Variants in NEK1 observed in about 807,000 individuals in gnomAD.
NEK1 encodes serine/threonine-protein kinase Nek1.
NEK1 carries 137 observed loss-of-function variants against 182.1 expected under a neutral mutation model. The observed-to-expected ratio is 0.75, with a 90% confidence interval of 0.65 to 0.87. The LOEUF is 0.87. Among genes scored for constraint, NEK1 ranks in the 40% least tolerant of loss-of-function variants. The pLI is 0.00. For missense variants in NEK1, 1,391 were observed against 1,494.4 expected, an observed-to-expected ratio of 0.93 and a Z score of 1.14; for synonymous variants, 513 against 492.2, an observed-to-expected ratio of 1.04 and a Z score of -0.56.
At chr4:169,590,853 A>G (rs371612230) in intron 5 of NEK1, 44 bp from the exon 6 acceptor site, 39 of 1,271,040 alleles carry the variant, frequency 3.1e-5, no homozygotes, top group Middle Eastern at 1.8e-4. Flanking sequence ...TTTGACCATT[A>G]AAAGAATTCA....
chr4:169,598,484 T>C (rs1468089852), intron 5 of NEK1, among the ~76,000 whole-genome samples: 1 of 151,652 alleles, frequency 6.6e-6, no homozygotes, highest in African/African-American at 2.4e-5. Context: ...TAACAAAGTT[T>C]GGGGAAAAGG....
At chr4:169,461,958 C>T (rs138543519) in intron 27 of NEK1, among the ~76,000 whole-genome samples, 101 of 152,054 alleles carry the variant, frequency 6.6e-4, no homozygotes, top group African/African-American at 2.4e-3. Context: ...TTTCTCAGTT[C>T]CAATTCTGTG....
intron 33 of NEK1, 53 bp downstream of exon 33, chr4:169,401,599 T>C: frequency 1.3e-6 from 2 of 1,518,388 alleles, no homozygotes; most frequent in Middle Eastern, 3.4e-4. Context: ...TACACTCTAC[T>C]TGAAATATTT....
chr4:169,437,617 C>A (rs1738662403), intron 28 of NEK1, among the ~76,000 whole-genome samples: 1 of 152,102 alleles, frequency 6.6e-6, no homozygotes, highest in Admixed American at 6.6e-5. Context: ...ATCTGTGAGC[C>A]CCGGGCCATC....
chr4:169,576,783 G>T (rs1322638119), intron 12 of NEK1, 145 bp downstream of exon 12: 1 of 718,872 alleles, frequency 1.4e-6, no homozygotes, highest in African/African-American at 1.8e-5. Context: ...CTCAGTTTTA[G>T]AGGACTGGTA....
Position 169,400,642 on chromosome 4 carries a change from T to A in NEK1, c.3593A>T (p.Asp1198Val), listed in dbSNP as rs1446429251. Residue 1198 changes from aspartate to valine, a missense_variant, in exon 34 of 36, where the codon GAT becomes GTT. Asp to Val is a radical substitution (Grantham distance 152, BLOSUM62 -3). This residue lies in a region of NEK1 where 1,216 missense variants were observed against 1,277.6 expected (regional missense o/e 0.95). Transcript: ENST00000507142. ...TTCACATTCACTAGCAATTTCACCATCACTGTTATCTAAAAAACAAAATTA... is the reference window on the plus strand; with the variant it reads ...TTCACATTCACTAGCAATTTCACCAACACTGTTATCTAAAAAACAAAATTA... The part of the protein sequence containing the change: ...LNEEWHSDNS[D>V]GEIASECECD... The A allele has an allele frequency of 1.3e-6, 2 of 1,584,768 alleles. No individual in the cohort carries two copies. The highest frequency in any genetic ancestry group is 2.3e-5 in the South Asian group (2 of 86,176).
chr4:169,602,393 T>C lies in NEK1; in HGVS notation c.117+121A>G, dbSNP rs1412011999. 7.7e-6 allele frequency: 5 copies of C among 652,232 alleles called. No homozygotes were observed. In the Admixed American group the frequency reaches 1.3e-4, roughly 16 times the overall value. The allele number at this position is 652,232 out of a possible 1,614,324, so 40.4% of individuals were successfully genotyped here. A position where few individuals can be genotyped will look rare whatever the true frequency, so the allele number is the denominator to read the frequency against. On this transcript the variant is annotated intron_variant, in intron 3 of 35. Transcript: ENST00000507142. The stretch of plus-strand genomic sequence containing the variant: ...TAGGCTATTCTGATATTAGCGGGAA[T>C]AAAGGAGTCTTTTGCTTTAGGTTAT...
At chr4:169,541,573 C>G (rs1223132654) in intron 18 of NEK1, among the ~76,000 whole-genome samples, 1 of 152,088 alleles carries the variant, frequency 6.6e-6, no homozygotes, top group African/African-American at 2.4e-5. Flanking sequence ...CTACAGATTT[C>G]AGTTTGCTGA....
At chr4:169,608,417 A>G (rs1163755471) in intron 2 of NEK1, among the ~76,000 whole-genome samples, 1 of 152,220 alleles carries the variant, frequency 6.6e-6, no homozygotes, top group African/African-American at 2.4e-5. Flanking sequence ...TTATTCCCTC[A>G]TTTTACACCA....
At chr4:169,499,368 T>C (rs762610078) in intron 23 of NEK1, among the ~76,000 whole-genome samples, 1 of 152,092 alleles carries the variant, frequency 6.6e-6, no homozygotes, top group Non-Finnish European at 1.5e-5. Flanking sequence ...TAGCAAGGTG[T>C]AGTTTGATCA....
intron 23 of NEK1, among the ~76,000 whole-genome samples, chr4:169,481,539 A>G (rs1748006860): frequency 6.6e-6 from 1 of 152,220 alleles, no homozygotes; most frequent in African/African-American, 2.4e-5. Context: ...ATACATCTCC[A>G]TCAGAGCTCT....
At chr4:169,541,372 A>C (rs1001028750) in intron 18 of NEK1, among the ~76,000 whole-genome samples, 1 of 152,168 alleles carries the variant, frequency 6.6e-6, no homozygotes, top group African/African-American at 2.4e-5. Context: ...TCAACAGTAC[A>C]TGGCTTGAGC....
At chr4:169,555,353 C>A in intron 18 of NEK1, 1 of 215,978 alleles carries the variant, frequency 4.6e-6, no homozygotes, top group Non-Finnish European at 9.3e-6. Flanking sequence ...AAGAAAAGGG[C>A]GAAAAATGCA....
intron 23 of NEK1, among the ~76,000 whole-genome samples, chr4:169,481,278 C>T (rs1747953437): frequency 6.6e-6 from 1 of 152,172 alleles, no homozygotes; most frequent in African/African-American, 2.4e-5. Flanking sequence ...TTAACATTAA[C>T]ATGACATTAA....
At position 169,556,104 on chromosome 4, in the gene NEK1, T is replaced by G; in HGVS notation, c.1267-9A>C. 6.2e-7 allele frequency: 1 copy of G among 1,608,126 alleles called. No homozygotes were observed. Among genetic ancestry groups the G allele is most frequent in the Non-Finnish European group, 8.5e-7 (1 of 1,177,494 alleles). ...CTGCCCAGAAAAGGAGCCTAGGGAT[T>G]AAACAAAGAGCTCTCACATGTTTAT... On this transcript the variant is annotated splice_polypyrimidine_tract_variant and intron_variant, in intron 16 of 35. Transcript: ENST00000507142.
At chr4:169,432,740 C>T (rs1183887801) in intron 29 of NEK1, among the ~76,000 whole-genome samples, 1 of 151,992 alleles carries the variant, frequency 6.6e-6, no homozygotes, top group Non-Finnish European at 1.5e-5. Context: ...CAGATGTAAG[C>T]AAGACTTTTT....
intron 23 of NEK1, among the ~76,000 whole-genome samples, chr4:169,497,788 G>C (rs764858575): frequency 6.6e-6 from 1 of 152,168 alleles, no homozygotes; most frequent in Non-Finnish European, 1.5e-5. Context: ...TATAATTTCT[G>C]TTCTTTTACA....
At chr4:169,560,439 C>T (rs906772785) in intron 16 of NEK1, among the ~76,000 whole-genome samples, 2 of 152,170 alleles carry the variant, frequency 1.3e-5, no homozygotes, top group African/African-American at 2.4e-5. Flanking sequence ...TTTTCCCCTT[C>T]CAGTCAGCTA....
rs532392445 is a variant in NEK1 at position 169,438,237 on chromosome 4, C to T, written c.2610G>A (p.Lys870=). The change falls in exon 28 of 36, where the codon AAG becomes AAA. Residue 870 remains lysine, a synonymous_variant. Transcript: ENST00000507142. ...IRSEISPEGE[K]YKPLITGEKK... ...TTTCTCCAGTAATTAAGGGTTTGTA[C>T]TTTTCCCCTTCGGGAGAAATCTCTG... 5 of 1,549,376 alleles carry T rather than the reference C, an allele frequency of 3.2e-6. No homozygotes were observed. The East Asian group carries it at 9.4e-5, about 29-fold the overall frequency.
Sources: gnomAD v4.1 joint callset for allele counts (sites outside exome capture counted in the v4.1 genomes callset) on GRCh38, gnomAD v4.1.1 for gene constraint, gnomAD v4.1.1 regional missense constraint, MANE v1.5 for transcripts, NCBI Gene and HGNC (gene_info 2026-07-23, HGNC 2026-07-21) for gene names.